The following CACNA1C variants were observed in gnomAD, a reference collection of about 807,000 sequenced individuals.
CACNA1C encodes the protein voltage-dependent L-type calcium channel subunit alpha-1C.
In CACNA1C, 30 loss-of-function variants were observed where a neutral mutation model predicts 229.0. The observed-to-expected ratio is 0.13, with a 90% CI of 0.10 to 0.18. The LOEUF is 0.18. Ranked by LOEUF, CACNA1C falls within the 10% of genes least tolerant of loss-of-function variation. The pLI, the probability that CACNA1C is intolerant of heterozygous loss-of-function variation, is 1.00. For missense variants in CACNA1C, 1,658 were observed against 2,845.0 expected (o/e 0.58, Z 9.49); for synonymous variants, 1,114 against 1,132.5 (o/e 0.98, Z 0.33).
At chr12:2,063,769 C>T (rs920147510) in intron 1 of CACNA1C, among the ~76,000 whole-genome samples, 39 of 152,240 alleles carry the variant, frequency 2.6e-4, no homozygotes, top group African/African-American at 9.2e-4. Context: ...GCACACGCCA[C>T]ATTTTGCTTA....
intron 9 of CACNA1C, among the ~76,000 whole-genome samples, chr12:2,543,340 C>A (rs2099875716): frequency 6.6e-6 from 1 of 152,182 alleles, no homozygotes; most frequent in African/African-American, 2.4e-5. Flanking sequence ...AGAAAAGGTG[C>A]CCCTTAGTTT....
At chr12:2,607,268 G>A (rs773547205) in intron 26 of CACNA1C, 138 bp downstream of exon 26, 23 of 814,140 alleles carry the variant, frequency 2.8e-5, no homozygotes, top group Non-Finnish European at 4.4e-5. Context: ...CAGGCAGTGA[G>A]GTGTATTTCT....
intron 3 of CACNA1C, among the ~76,000 whole-genome samples, chr12:2,368,458 A>G (rs1265889469): frequency 6.6e-6 from 1 of 152,218 alleles, no homozygotes; most frequent in African/African-American, 2.4e-5. Flanking sequence ...TAGTTTAATA[A>G]TCAGTAGTTT....
rs115620607 is a variant in CACNA1C, at chr12:2,402,385, G to A, written c.478-46591G>A. Among the ~76,000 whole-genome samples the A allele has an allele frequency of 4.3e-3, 657 of 152,358 alleles. 5 individuals carry two copies. The highest frequency in any genetic ancestry group is 0.015 in the African/African-American group (625 of 41,582). ...GGGACACCTCCGTGTGCTTCCAGGG[G>A]CCTGGGCCAGACCTGACTGGGAGCT... On this transcript the variant is annotated intron_variant, in intron 3 of 46. Transcript: ENST00000399655.
chr12:2,343,553 T>C (rs1476168644), intron 3 of CACNA1C, among the ~76,000 whole-genome samples: 2 of 152,170 alleles, frequency 1.3e-5, no homozygotes, highest in Non-Finnish European at 2.9e-5. Context: ...TTATTTGTTG[T>C]TTATCTGAAA....
Position 2,691,040 on chromosome 12 carries a change from C to G in CACNA1C, c.6258C>G (p.Ala2086=). 1 of 1,603,974 alleles carries G rather than the reference C, an allele frequency of 6.2e-7. No individual in the cohort carries two copies. The highest frequency in any genetic ancestry group is 8.5e-7 in the Non-Finnish European group (1 of 1,175,578). The change falls in exon 47 of 47, where the codon GCC becomes GCG. Residue 2086 remains alanine (A), a synonymous_variant. Transcript: ENST00000399655. ...SAADNILSGG[A]PQSPNGALLP... Reference sequence around the variant, plus strand: ...CCGACAACATCCTCAGCGGGGGCGCCCCACAGAGCCCCAATGGCGCCCTCT... The same window carrying G: ...CCGACAACATCCTCAGCGGGGGCGCGCCACAGAGCCCCAATGGCGCCCTCT...
intron 1 of CACNA1C, among the ~76,000 whole-genome samples, chr12:2,075,680 C>A (rs2062931068): frequency 2.6e-5 from 4 of 152,206 alleles, no homozygotes; most frequent in Admixed American, 2.6e-4. Flanking sequence ...ACTGCCCTGA[C>A]CTCCGGTAGG....
rs1325881889 is a variant in CACNA1C, at chr12:2,651,312, C to T, written c.3946-328C>T. On this transcript the variant is annotated intron_variant, in intron 31 of 46. Coordinates refer to ENST00000399655, the MANE Select transcript of CACNA1C (RefSeq NM_000719.7). The surrounding 1 kb of genome is among the most constrained non-coding windows in gnomAD (Gnocchi z 5.4). The stretch of plus-strand genomic sequence containing the variant: ...CAGCTGGCTCTGGGCCTAGAAGATT[C>T]CAAAGCCTATGGTAGTTCCTGATGG... 1 of 434,562 alleles carries T rather than the reference C, an allele frequency of 2.3e-6. No individual in the cohort carries two copies. The highest frequency in any genetic ancestry group is 4.1e-6 in the Non-Finnish European group (1 of 242,276). The allele number at this position is 434,562 out of a possible 1,614,324, so 26.9% of individuals were successfully genotyped here.
chr12:2,004,690 C>T, intron 1 of CACNA1C: 2 of 505,042 alleles, frequency 4.0e-6, no homozygotes, highest in South Asian at 5.7e-5. Flanking sequence ...GTTTCTTTCT[C>T]CAAGAGCTGT....
At chr12:2,668,820 C>T (rs1161247829) in intron 37 of CACNA1C, 113 bp from the exon 38 acceptor site, 1 of 713,722 alleles carries the variant, frequency 1.4e-6, no homozygotes, top group East Asian at 2.5e-5. Flanking sequence ...TACAATTCAA[C>T]ATGAGATTTG....
intron 3 of CACNA1C, chr12:2,217,926 A>C (rs2154346008): frequency 6.6e-6 from 1 of 152,286 alleles, no homozygotes; most frequent in South Asian, 2.1e-4. Context: ...GTAACTGCAG[A>C]GTCACCGGAG....
At chr12:2,232,889 G>A (rs2065876737) in intron 3 of CACNA1C, among the ~76,000 whole-genome samples, 1 of 152,052 alleles carries the variant, frequency 6.6e-6, no homozygotes, top group East Asian at 1.9e-4. Flanking sequence ...TTTGGCCATT[G>A]GGAGCGCTTT....
chr12:2,063,183 C>T (rs1300583103), intron 1 of CACNA1C, among the ~76,000 whole-genome samples: 8 of 143,236 alleles, frequency 5.6e-5, no homozygotes, highest in Non-Finnish European at 1.1e-4. Flanking sequence ...GGTGTAGTCT[C>T]GCTCTGTCAC....
intron 34 of CACNA1C, among the ~76,000 whole-genome samples, chr12:2,656,345 A>G (rs534522096): frequency 4.6e-5 from 7 of 152,364 alleles, no homozygotes; most frequent in African/African-American, 1.7e-4. Context: ...TTACAATAGC[A>G]TCAAAAAACT....
chr12:2,414,505 A>G (rs919424495), intron 3 of CACNA1C, among the ~76,000 whole-genome samples: 4 of 152,174 alleles, frequency 2.6e-5, no homozygotes, highest in Non-Finnish European at 5.9e-5. Flanking sequence ...GATAGGAACT[A>G]AGTTCAGCTG....
At chr12:2,622,721 G>A (rs536935847) in intron 29 of CACNA1C, among the ~76,000 whole-genome samples, 1 of 152,324 alleles carries the variant, frequency 6.6e-6, no homozygotes, top group Admixed American at 6.5e-5. Flanking sequence ...TGAAGCTAGG[G>A]ACAGGCGTTC....
rs751165062 is a variant in CACNA1C, at chr12:2,143,000, G to A, written c.477+22570G>A. On this transcript the variant is annotated intron_variant, in intron 3 of 46. Transcript: ENST00000399655. ...ATTTTTTTTTTTGTTTTTTGAGACGGAGTCTCTCTCTGTTGCCCAGGCTGG... is the reference window on the plus strand; with the variant it reads ...ATTTTTTTTTTTGTTTTTTGAGACGAAGTCTCTCTCTGTTGCCCAGGCTGG... 1.7e-4 allele frequency among the ~76,000 whole-genome samples: 26 copies of A among 150,650 alleles called. 2 individuals are homozygous for A. The highest frequency in any genetic ancestry group is 2.7e-4 in the Admixed American group (4 of 14,956).
In CACNA1C at chr12:2,297,390, G is replaced by T. The variant is rs1026920011; in HGVS notation, c.478-151586G>T. ...TAGAAAACCATTGGCAGTATCAAAG[G>T]GTTGTCATTAGTGGACAAGTACACT... is the stretch of plus-strand genomic sequence containing the variant. On this transcript the variant is annotated intron_variant, in intron 3 of 46. Coordinates refer to ENST00000399655, the MANE Select transcript of CACNA1C (RefSeq NM_000719.7). Among the ~76,000 whole-genome samples the T allele has an allele frequency of 1.8e-4, 27 of 152,194 alleles. 1 individual carries two copies. Among genetic ancestry groups the T allele is most frequent in the Non-Finnish European group, 3.2e-4 (22 of 68,032 alleles).
At chr12:2,543,608 A>G (rs1265103197) in intron 9 of CACNA1C, among the ~76,000 whole-genome samples, 2 of 152,224 alleles carry the variant, frequency 1.3e-5, no homozygotes, top group Non-Finnish European at 2.9e-5. Flanking sequence ...TAATGTGTTC[A>G]TATATTGCTT....
Sources: gnomAD v4.1 joint callset for allele counts (sites outside exome capture counted in the v4.1 genomes callset) on GRCh38, gnomAD v4.1.1 for gene constraint, Gnocchi (gnomAD v3.1) non-coding constraint, MANE v1.5 for transcripts, NCBI Gene and HGNC (gene_info 2026-07-23, HGNC 2026-07-21) for gene names.